Variants in FRMD6 observed in about 807,000 individuals in gnomAD.
FRMD6 encodes the protein FERM domain-containing protein 6.
Under a neutral mutation model 73.2 loss-of-function variants are expected in FRMD6, and 37 were observed. The ratio of observed to expected loss-of-function variants is 0.51; its 90% CI spans 0.39 to 0.66. The LOEUF (loss-of-function observed/expected upper bound fraction) is 0.66, where lower values mean the gene tolerates loss of function less well. Among genes scored for constraint, FRMD6 ranks in the 30% least tolerant of loss-of-function variants. FRMD6 has a pLI of 0.00. For synonymous variants in FRMD6, 273 were observed against 282.2 expected (o/e 0.97, Z 0.33); for missense variants, 714 against 780.5 (o/e 0.91, Z 1.02).
At chr14:51,414,086 T>C in the FRMD6 span, among the ~76,000 whole-genome samples, 1 of 151,974 alleles carries the variant, frequency 6.6e-6, no homozygotes, top group Non-Finnish European at 1.5e-5. Context: ...GCAAAAATTT[T>C]CTCCCATTCT....
intron 2 of FRMD6, among the ~76,000 whole-genome samples, chr14:51,579,845 C>T (rs902042698): frequency 2.0e-5 from 3 of 152,152 alleles, no homozygotes; most frequent in African/African-American, 4.8e-5. Context: ...TACAATCTGA[C>T]ACATGTACAC....
At chr14:51,660,566 G>A (rs569037839) in intron 1 of FRMD6, among the ~76,000 whole-genome samples, 2 of 149,328 alleles carry the variant, frequency 1.3e-5, no homozygotes, top group African/African-American at 4.9e-5. Context: ...CCTAGGATAT[G>A]CCAGGCACTG....
chr14:51,665,932 C>T (rs1172657575), intron 1 of FRMD6, among the ~76,000 whole-genome samples: 1 of 152,192 alleles, frequency 6.6e-6, no homozygotes, highest in Non-Finnish European at 1.5e-5. Context: ...TCCCCAGCCA[C>T]GTGGAACTGT....
the FRMD6 span, among the ~76,000 whole-genome samples, chr14:51,482,940 G>A: frequency 1.3e-5 from 2 of 152,054 alleles, no homozygotes; most frequent in African/African-American, 4.8e-5. Context: ...CTGACCTCGT[G>A]ATCTACCCGC....
At chr14:51,603,335 T>TTA (rs1890115703) in intron 2 of FRMD6, among the ~76,000 whole-genome samples, 1 of 152,202 alleles carries the variant, frequency 6.6e-6, no homozygotes, top group African/African-American at 2.4e-5. Flanking sequence ...TTTTAACTCT[T>TTA]TATACAACAT....
At chr14:51,531,452 A>T (rs753410694) in intron 1 of FRMD6, among the ~76,000 whole-genome samples, 3 of 152,232 alleles carry the variant, frequency 2.0e-5, no homozygotes, top group Non-Finnish European at 4.4e-5. Flanking sequence ...AGGTATTATT[A>T]TCACAGCCAC....
At chr14:51,398,785 T>C in the FRMD6 span, among the ~76,000 whole-genome samples, 1 of 152,108 alleles carries the variant, frequency 6.6e-6, no homozygotes, top group African/African-American at 2.4e-5. Flanking sequence ...GGACAATAGA[T>C]TCCATAATTT....
intron 2 of FRMD6, among the ~76,000 whole-genome samples, chr14:51,636,227 C>A (rs1891554484): frequency 6.6e-6 from 1 of 152,110 alleles, no homozygotes; most frequent in South Asian, 2.1e-4. Flanking sequence ...ATGTGAAGGA[C>A]AATTGAGGTT....
chr14:51,418,783 G>A, the FRMD6 span, among the ~76,000 whole-genome samples: 9 of 152,220 alleles, frequency 5.9e-5, no homozygotes, highest in African/African-American at 9.6e-5. Context: ...TGCTCCCAGC[G>A]GCAGAGACTA....
the FRMD6 span, among the ~76,000 whole-genome samples, chr14:51,450,063 C>T: frequency 6.6e-6 from 1 of 152,186 alleles, no homozygotes. Flanking sequence ...TGATTGTTGT[C>T]TGTTTACTGT....
chr14:51,585,939 G>GTGTGTGTGTATATATATATATATA, intron 2 of FRMD6, among the ~76,000 whole-genome samples: 10 of 31,410 alleles, frequency 3.2e-4, no homozygotes, highest in African/African-American at 6.8e-4. Context: ...GTGTGTGTGT[G>GTGTGTGTGTATATATATATATATA]TATATATATA....
the FRMD6 span, among the ~76,000 whole-genome samples, chr14:51,443,417 C>T: frequency 6.6e-6 from 1 of 152,208 alleles, no homozygotes; most frequent in Non-Finnish European, 1.5e-5. Flanking sequence ...AAAGATGAGG[C>T]AGCGTGTTAA....
chr14:51,727,493 T>C (rs913444937), intron 13 of FRMD6, among the ~76,000 whole-genome samples: 1 of 152,198 alleles, frequency 6.6e-6, no homozygotes, highest in Admixed American at 6.5e-5. Flanking sequence ...TTAAATGAGT[T>C]AATGCATGCC....
the FRMD6 span, among the ~76,000 whole-genome samples, chr14:51,421,596 G>A: frequency 4.7e-3 from 712 of 152,244 alleles, 5 homozygotes; most frequent in African/African-American, 0.016. Flanking sequence ...TATAGCAAAA[G>A]AACCGTAAGA....
chr14:51,719,860 C>A (rs569994858), intron 10 of FRMD6, among the ~76,000 whole-genome samples, 195 bp from the exon 11 acceptor site: 1 of 152,248 alleles, frequency 6.6e-6, no homozygotes, highest in Non-Finnish European at 1.5e-5. Context: ...GTTTAAATAT[C>A]CCCCTCAAAT....
the FRMD6 span, among the ~76,000 whole-genome samples, chr14:51,440,736 A>C: frequency 6.6e-6 from 1 of 152,344 alleles, no homozygotes; most frequent in Admixed American, 6.5e-5. Flanking sequence ...ATAGTTGCCA[A>C]CATTTATTGA....
chr14:51,520,155 TG>T (rs1388971347), intron 1 of FRMD6, among the ~76,000 whole-genome samples: 1 of 152,146 alleles, frequency 6.6e-6, no homozygotes, highest in Non-Finnish European at 1.5e-5. Flanking sequence ...AATTTAAAAA[TG>T]GGCAAAAGAC....
chr14:51,654,393 A>C (rs1892672859), intron 1 of FRMD6, among the ~76,000 whole-genome samples: 1 of 151,912 alleles, frequency 6.6e-6, no homozygotes, highest in Admixed American at 6.6e-5. Flanking sequence ...CTTATGATGT[A>C]ATAGACTGCG....
intron 2 of FRMD6, among the ~76,000 whole-genome samples, chr14:51,623,704 T>C (rs1344952224): frequency 6.6e-6 from 1 of 152,198 alleles, no homozygotes; most frequent in African/African-American, 2.4e-5. Context: ...TTAGCACTAT[T>C]GGTATCACAG....
Sources: allele counts gnomAD v4.1 joint callset (sites outside exome capture counted in the v4.1 genomes callset), GRCh38; gene constraint gnomAD v4.1.1; transcripts MANE v1.5; gene names NCBI Gene and HGNC (gene_info 2026-07-23, HGNC 2026-07-21).